The following ANO2 variants were observed in gnomAD, a reference collection of about 807,000 sequenced individuals.
ANO2 encodes the protein anoctamin 2.
In ANO2, 101 loss-of-function variants were observed where a neutral mutation model predicts 124.2. That is an observed-to-expected ratio of 0.81 (90% CI 0.69 to 0.96). The LOEUF (loss-of-function observed/expected upper bound fraction) is 0.96. Among genes scored for constraint, ANO2 ranks in the 40% least tolerant of loss-of-function variants. ANO2 has a pLI of 0.00. For missense variants in ANO2, 1,293 were observed against 1,274.5 expected, an observed-to-expected ratio of 1.01 and a Z score of -0.22; for synonymous variants, 486 against 482.5, an observed-to-expected ratio of 1.01 and a Z score of -0.09.
rs747792294 is a variant in ANO2 at position 5,672,580 on chromosome 12, CGT to C, written c.1546-24781_1546-24780del. On this transcript the variant is annotated intron_variant, in intron 14 of 24. Coordinates refer to ENST00000682330, the MANE Select transcript of ANO2 (RefSeq NM_001364791.2). Reference sequence around the variant, plus strand: ...GCTACCTGGTTTAAGGCAGTCAGCTCGTGTGTGTGTGTGTGTGTGCACATGCA... The same window carrying C: ...GCTACCTGGTTTAAGGCAGTCAGCTCGTGTGTGTGTGTGTGTGCACATGCA... Among the ~76,000 whole-genome samples the C allele has an allele frequency of 3.6e-3, 539 of 147,894 alleles. 3 individuals are homozygous for C. The highest frequency in any genetic ancestry group is 0.013 in the African/African-American group (525 of 40,818).
At chr12:5,615,072 G>C (rs903766222) in intron 17 of ANO2, 114 bp downstream of exon 17, 19 of 712,928 alleles carry the variant, frequency 2.7e-5, no homozygotes, top group Non-Finnish European at 4.2e-5. Flanking sequence ...GTGGGGCGGA[G>C]AAGGGGCTGA....
chr12:5,812,470 G>A (rs1406882708), intron 7 of ANO2, among the ~76,000 whole-genome samples: 1 of 120,686 alleles, frequency 8.3e-6, no homozygotes, highest in African/African-American at 3.4e-5. Context: ...AAGGAAGGAA[G>A]GGGGAGGAAG....
chr12:5,754,454 T>C (rs1209272008), intron 10 of ANO2, among the ~76,000 whole-genome samples: 1 of 152,190 alleles, frequency 6.6e-6, no homozygotes, highest in Non-Finnish European at 1.5e-5. Context: ...GTCTCTCCTC[T>C]TTTCCTGTTT....
chr12:5,759,847 T>C (rs1951689716), intron 10 of ANO2, among the ~76,000 whole-genome samples: 1 of 151,930 alleles, frequency 6.6e-6, no homozygotes, highest in African/African-American at 2.4e-5. Flanking sequence ...GGCAAAACAA[T>C]GTCTATTTTA....
chr12:5,644,868 C>T (rs755351841), intron 15 of ANO2, among the ~76,000 whole-genome samples: 8 of 152,136 alleles, frequency 5.3e-5, no homozygotes, highest in East Asian at 1.9e-4. Context: ...GTTTTCAGCA[C>T]GTGAAGAGGG....
intron 1 of ANO2, among the ~76,000 whole-genome samples, chr12:5,935,066 A>G: frequency 6.6e-6 from 1 of 152,226 alleles, no homozygotes; most frequent in East Asian, 1.9e-4. Flanking sequence ...TTTATAAAAT[A>G]TCCCAAATAT....
chr12:5,897,649 T>C (rs1939885351), intron 3 of ANO2, among the ~76,000 whole-genome samples: 1 of 151,912 alleles, frequency 6.6e-6, no homozygotes, highest in African/African-American at 2.4e-5. Flanking sequence ...TGAGGAAGAA[T>C]GGTCCGTTCA....
At chr12:5,873,235 C>CTCTCTCTT in intron 3 of ANO2, among the ~76,000 whole-genome samples, 1 of 149,058 alleles carries the variant, frequency 6.7e-6, no homozygotes. Flanking sequence ...CTCTCTCTCT[C>CTCTCTCTT]TCTCTCTCTC....
chr12:5,569,366 A>G (rs558050353), intron 23 of ANO2, among the ~76,000 whole-genome samples: 24 of 152,274 alleles, frequency 1.6e-4, no homozygotes, highest in African/African-American at 5.8e-4. Context: ...CGTGCCCCCA[A>G]AGAGAAGCAG....
rs569024798 is a variant in ANO2, at chr12:5,685,168, G to T, written c.1546-37367C>A. ...CCTGGGCTGGTGAGTGGCAGGAAAG[G>T]CCAAGAAAGCTCCAAGTATTTGCTC... On this transcript the variant is annotated intron_variant, in intron 14 of 24. Transcript: ENST00000682330. Among the ~76,000 whole-genome samples the T allele has an allele frequency of 3.3e-5, 5 of 152,290 alleles. No individual in the cohort carries two copies. In the South Asian group the frequency reaches 1.0e-3, roughly 32 times the overall value.
rs951473900 is a variant in ANO2, at chr12:5,636,839, T to C, written c.1621-1492A>G. On this transcript the variant is annotated intron_variant, in intron 15 of 24. Coordinates refer to ENST00000682330, the MANE Select transcript of ANO2 (RefSeq NM_001364791.2). This position sits in a 1 kb window ranked among gnomAD's most constrained non-coding sequence, Gnocchi z 4.6. The stretch of plus-strand genomic sequence containing the variant: ...TGGATGTTTTCAGACCTCTGGGGGG[T>C]ACCTGGGGTGTGCTGGTGGCAGACT... Among the ~76,000 whole-genome samples the C allele has an allele frequency of 6.6e-6, 1 of 151,946 alleles. No homozygotes were observed. The highest frequency in any genetic ancestry group is 2.4e-5 in the African/African-American group (1 of 41,354).
At chr12:5,760,535 G>A (rs528803580) in intron 10 of ANO2, among the ~76,000 whole-genome samples, 1 of 152,140 alleles carries the variant, frequency 6.6e-6, no homozygotes, top group South Asian at 2.1e-4. Flanking sequence ...TTGAAAAGAG[G>A]ACACAGAAGA....
intron 15 of ANO2, among the ~76,000 whole-genome samples, chr12:5,640,741 T>C (rs928309604): frequency 1.3e-5 from 2 of 152,138 alleles, no homozygotes; most frequent in African/African-American, 4.8e-5. Context: ...CTGGAGAGGA[T>C]GCGGAGAAAT....
At chr12:5,914,839 G>C (rs1941286261) in intron 3 of ANO2, among the ~76,000 whole-genome samples, 3 of 152,188 alleles carry the variant, frequency 2.0e-5, no homozygotes, top group Admixed American at 2.0e-4. Context: ...ATTGTACTGT[G>C]CCTGGTTCTC....
intron 7 of ANO2, among the ~76,000 whole-genome samples, chr12:5,815,099 C>G (rs1318258233): frequency 6.6e-6 from 1 of 152,162 alleles, no homozygotes; most frequent in African/African-American, 2.4e-5. Flanking sequence ...GCTCTCACAA[C>G]AGAAAACCCA....
At chr12:5,786,276 C>T (rs955029072) in intron 10 of ANO2, among the ~76,000 whole-genome samples, 1 of 152,142 alleles carries the variant, frequency 6.6e-6, no homozygotes, top group Non-Finnish European at 1.5e-5. Context: ...GAGCACCTGG[C>T]CTACCCTTCA....
At chr12:5,841,576 G>A (rs919438002) in intron 4 of ANO2, among the ~76,000 whole-genome samples, 10 of 152,236 alleles carry the variant, frequency 6.6e-5, no homozygotes, top group Middle Eastern at 3.4e-3. Flanking sequence ...TGCCTCCCTC[G>A]GCAGCCTCAG....
At chr12:5,592,560 T>G (rs1326497032) in intron 20 of ANO2, among the ~76,000 whole-genome samples, 1 of 152,124 alleles carries the variant, frequency 6.6e-6, no homozygotes, top group Non-Finnish European at 1.5e-5. Context: ...CGTGTGAACT[T>G]TATCTGAAAA....
chr12:5,838,949 GGGAAAACAA>G (rs1414279308), intron 4 of ANO2, among the ~76,000 whole-genome samples: 2 of 152,180 alleles, frequency 1.3e-5, no homozygotes, highest in African/African-American at 4.8e-5. Context: ...CATCTCCGAA[GGGAAAACAA>G]GGGAAACTCT....
Sources: gnomAD v4.1 joint callset for allele counts (sites outside exome capture counted in the v4.1 genomes callset) on GRCh38, gnomAD v4.1.1 for gene constraint, Gnocchi (gnomAD v3.1) non-coding constraint, MANE v1.5 for transcripts, NCBI Gene and HGNC (gene_info 2026-07-23, HGNC 2026-07-21) for gene names.